BCO2: variants seen among roughly 807,000 people sequenced by gnomAD.
BCO2 encodes the protein beta-carotene oxygenase 2.
In BCO2, 56 loss-of-function variants were observed where a neutral mutation model predicts 65.8. That is an observed-to-expected ratio of 0.85 (90% CI 0.69 to 1.06). BCO2 has a LOEUF of 1.06. Ranked by LOEUF, BCO2 falls within the 50% of genes least tolerant of loss-of-function variation. The probability of loss-of-function intolerance (pLI) is 0.00; values close to 1 mark genes in which losing one functional copy is unlikely to be tolerated. For missense variants in BCO2, 675 were observed against 698.5 expected (o/e 0.97, Z 0.38); for synonymous variants, 233 against 242.3 (o/e 0.96, Z 0.36).
chr11:112,202,365 C>T (rs1867759500), intron 8 of BCO2, among the ~76,000 whole-genome samples, 175 bp downstream of exon 8: 1 of 152,034 alleles, frequency 6.6e-6, no homozygotes, highest in South Asian at 2.1e-4. Context: ...TCACTGCAAC[C>T]TCTACCTCCC....
chr11:112,177,650 A>G (rs143762750), intron 1 of BCO2, among the ~76,000 whole-genome samples: 171 of 152,368 alleles, frequency 1.1e-3, no homozygotes, highest in African/African-American at 3.9e-3. Flanking sequence ...AGCTTTACAT[A>G]AACTAACTCA....
chr11:112,195,938 C>G (rs1867561364), intron 5 of BCO2, among the ~76,000 whole-genome samples: 2 of 152,154 alleles, frequency 1.3e-5, no homozygotes, highest in African/African-American at 4.8e-5. Flanking sequence ...CAAGTGGTCC[C>G]TGGATCTCAC....
chr11:112,209,798 A>G (rs1306247381), intron 8 of BCO2, among the ~76,000 whole-genome samples: 1 of 152,220 alleles, frequency 6.6e-6, no homozygotes, highest in Non-Finnish European at 1.5e-5. Flanking sequence ...TCCATTCCTG[A>G]AGTAAATCCC....
Position 112,193,682 on chromosome 11 carries a change from C to A in BCO2, c.502C>A (p.Pro168Thr). ...ACGTTTCATGTCCAGGTTTGAGCTGCCTGGTAAAGCTGCAGGTGATAGTGA... is the reference window on the plus strand; with the variant it reads ...ACGTTTCATGTCCAGGTTTGAGCTGACTGGTAAAGCTGCAGGTGATAGTGA... ...FERFMSRFEL[P>T]GKAAAMTDNT... The change falls in exon 3 of 12, where the codon CCT becomes ACT. Residue 168 changes from proline to threonine, a missense_variant. Coordinates refer to ENST00000357685, the MANE Select transcript of BCO2 (RefSeq NM_031938.7). 6.2e-7 allele frequency: 1 copy of A among 1,613,550 alleles called. No homozygotes were observed. The highest frequency in any genetic ancestry group is 8.5e-7 in the Non-Finnish European group (1 of 1,179,704).
At chr11:112,177,167 T>G (rs1264245834) in intron 1 of BCO2, among the ~76,000 whole-genome samples, 3 of 152,246 alleles carry the variant, frequency 2.0e-5, no homozygotes, top group Admixed American at 1.3e-4. Flanking sequence ...GGAATTTATT[T>G]TAATCTGAGA....
chr11:112,185,872 A>AT (rs1260540870), intron 2 of BCO2, among the ~76,000 whole-genome samples: 1 of 152,208 alleles, frequency 6.6e-6, no homozygotes, highest in East Asian at 1.9e-4. Flanking sequence ...CACAGAATTC[A>AT]TTTTACCTTG....
chr11:112,194,234 A>G, intron 4 of BCO2: 1 of 479,026 alleles, frequency 2.1e-6, no homozygotes. Flanking sequence ...GTAAAGGAGA[A>G]ATAGAAGAGT....
intron 2 of BCO2, among the ~76,000 whole-genome samples, chr11:112,188,569 C>T (rs1867273382): frequency 6.6e-6 from 1 of 152,078 alleles, no homozygotes; most frequent in Admixed American, 6.6e-5. Flanking sequence ...CACATGCTAC[C>T]CCCTCAACTG....
At chr11:112,183,652 T>C (rs1006427280) in intron 2 of BCO2, among the ~76,000 whole-genome samples, 4 of 152,216 alleles carry the variant, frequency 2.6e-5, no homozygotes, top group African/African-American at 9.7e-5. Flanking sequence ...TTGGTAAAGG[T>C]TGTTTAGGTT....
At chr11:112,192,076 C>A (rs1867407085) in intron 2 of BCO2, among the ~76,000 whole-genome samples, 1 of 152,094 alleles carries the variant, frequency 6.6e-6, no homozygotes, top group Non-Finnish European at 1.5e-5. Context: ...CTCTTTATTT[C>A]TCCTTCCTGC....
rs867767829 is a variant in BCO2 at position 112,180,790 on chromosome 11, G to A, written c.293+1308G>A. 1.5e-5 allele frequency: 15 copies of A among 996,578 alleles called. No homozygotes were observed. The Middle Eastern group carries it at 9.3e-4, about 62-fold the overall frequency. 61.7% of individuals were successfully genotyped at this position (996,578 alleles called of 1,614,324 possible). ...GCAGCGTGATGAGGCGGATGACCCT[G>A]TTCCTGAACGGCAGCCCCAAGAACG... On this transcript the variant is annotated intron_variant, in intron 2 of 11. Transcript: ENST00000357685.
At chr11:112,186,025 T>G (rs2135356254) in intron 2 of BCO2, among the ~76,000 whole-genome samples, 1 of 152,308 alleles carries the variant, frequency 6.6e-6, no homozygotes, top group African/African-American at 2.4e-5. Flanking sequence ...TCATGGTCCT[T>G]CTGTGCCTCT....
Position 112,202,879 on chromosome 11 carries a change from G to A in BCO2, c.1194+689G>A, listed in dbSNP as rs139492017. 9.7e-4 allele frequency among the ~76,000 whole-genome samples: 147 copies of A among 151,836 alleles called. 2 individuals are homozygous for A. The highest frequency in any genetic ancestry group is 3.4e-3 in the African/African-American group (140 of 41,406). On this transcript the variant is annotated intron_variant, in intron 8 of 11. Coordinates refer to ENST00000357685, the MANE Select transcript of BCO2 (RefSeq NM_031938.7). ...TGGACAACCAAAATGGTGAAACCTC[G>A]TCTCTAGTAAAAATGCAAAAATTAG...
chr11:112,204,833 C>A (rs1036985428), intron 8 of BCO2, among the ~76,000 whole-genome samples: 3 of 151,984 alleles, frequency 2.0e-5, no homozygotes, highest in Non-Finnish European at 4.4e-5. Context: ...CCACCATGCC[C>A]GTTGTATTTT....
At chr11:112,199,636 A>C in intron 5 of BCO2, 63 bp from the exon 6 acceptor site, 5 of 1,509,194 alleles carry the variant, frequency 3.3e-6, no homozygotes, top group Non-Finnish European at 4.5e-6. Context: ...CCACAAGTGC[A>C]AGGGTTGTCT....
chr11:112,197,411 A>G (rs1867611141), intron 5 of BCO2, among the ~76,000 whole-genome samples: 1 of 151,938 alleles, frequency 6.6e-6, no homozygotes, highest in African/African-American at 2.4e-5. Context: ...AGCCAGACAT[A>G]GTGGCATGTG....
At chr11:112,202,307 G>C in intron 8 of BCO2, 117 bp downstream of exon 8, 1 of 968,796 alleles carries the variant, frequency 1.0e-6, no homozygotes, top group Non-Finnish European at 1.5e-6. Context: ...TTTTGAGACT[G>C]AGTCTTGCTG....
chr11:112,185,738 T>C (rs934220545), intron 2 of BCO2, among the ~76,000 whole-genome samples: 4 of 152,212 alleles, frequency 2.6e-5, no homozygotes, highest in African/African-American at 9.6e-5. Context: ...ATTCCAGGAA[T>C]TATTGTTTTT....
At chr11:112,194,508 T>C in intron 4 of BCO2, 145 bp from the exon 5 acceptor site, 1 of 575,586 alleles carries the variant, frequency 1.7e-6, no homozygotes, top group Non-Finnish European at 3.0e-6. Flanking sequence ...GTGGGAAAAA[T>C]AATTTTTATT....
Sources: allele counts gnomAD v4.1 joint callset (sites outside exome capture counted in the v4.1 genomes callset), GRCh38; gene constraint gnomAD v4.1.1; transcripts MANE v1.5; gene names NCBI Gene and HGNC (gene_info 2026-07-23, HGNC 2026-07-21).